CRISPLD2: variants seen among roughly 807,000 people sequenced by gnomAD.
The protein encoded by CRISPLD2 is cysteine rich secretory protein LCCL domain containing 2.
In CRISPLD2, 47 loss-of-function variants were observed where a neutral mutation model predicts 71.1. The observed-to-expected ratio is 0.66, with a 90% CI of 0.52 to 0.84. The LOEUF is 0.84. CRISPLD2 is among the 40% of genes least tolerant of loss of function. The pLI, the probability that CRISPLD2 is intolerant of heterozygous loss-of-function variation, is 0.00. For missense variants in CRISPLD2, 830 were observed against 651.1 expected (o/e 1.27, Z -2.99); for synonymous variants, 317 against 250.1 (o/e 1.27, Z -2.52).
chr16:84,886,829 C>T (rs145140573), intron 13 of CRISPLD2, among the ~76,000 whole-genome samples: 4 of 152,198 alleles, frequency 2.6e-5, no homozygotes, highest in Non-Finnish European at 4.4e-5. Context: ...CAAAAAAATA[C>T]ATAACATTAA....
At chr16:84,851,650 G>A (rs1390646149) in intron 5 of CRISPLD2, among the ~76,000 whole-genome samples, 2 of 152,206 alleles carry the variant, frequency 1.3e-5, no homozygotes, top group African/African-American at 2.4e-5. Flanking sequence ...ATGGATGAGC[G>A]CAGCGGGTGT....
intron 1 of CRISPLD2, among the ~76,000 whole-genome samples, chr16:84,830,298 G>C (rs1916456843): frequency 6.6e-6 from 1 of 152,106 alleles, no homozygotes; most frequent in Non-Finnish European, 1.5e-5. Context: ...CTCTAGCCTG[G>C]GTAATAGTGA....
chr16:84,867,893 G>C (rs1290720946), intron 7 of CRISPLD2, among the ~76,000 whole-genome samples: 1 of 152,196 alleles, frequency 6.6e-6, no homozygotes, highest in Non-Finnish European at 1.5e-5. Flanking sequence ...CCCCAGGGTG[G>C]AGTTCAGCTC....
chr16:84,889,122 C>G (rs2071638413), intron 13 of CRISPLD2, 108 bp from the exon 14 acceptor site: 2 of 1,407,840 alleles, frequency 1.4e-6, no homozygotes, highest in East Asian at 4.6e-5. Flanking sequence ...TTGATGGGGT[C>G]CACATCCCAC....
intron 14 of CRISPLD2, among the ~76,000 whole-genome samples, chr16:84,897,674 C>T (rs1022319891): frequency 6.6e-6 from 1 of 152,066 alleles, no homozygotes; most frequent in Admixed American, 6.6e-5. Context: ...TGGAGTGCAG[C>T]GGCTTGACCT....
chr16:84,869,585 C>T (rs903942389), intron 8 of CRISPLD2, among the ~76,000 whole-genome samples: 4 of 152,324 alleles, frequency 2.6e-5, no homozygotes, highest in East Asian at 1.9e-4. Flanking sequence ...GCTCAGTGGG[C>T]TCACATGTGG....
intron 1 of CRISPLD2, chr16:84,829,098 T>C (rs1472329672): frequency 1.3e-5 from 2 of 152,022 alleles, no homozygotes; most frequent in Non-Finnish European, 2.9e-5. Flanking sequence ...AAAAGAATAT[T>C]ATCTTTTGTT....
chr16:84,868,953 T>C (rs202056245), intron 8 of CRISPLD2, 42 bp downstream of exon 8: 5 of 1,485,990 alleles, frequency 3.4e-6, no homozygotes, highest in Non-Finnish European at 4.6e-6. Context: ...AGCCTCTGAG[T>C]CTGTGCTGGG....
rs897651645 is a variant in CRISPLD2 at position 84,873,854 on chromosome 16, A to C, written c.1113-66A>C. On this transcript the variant is annotated intron_variant, in intron 10 of 14. Coordinates refer to ENST00000262424, the MANE Select transcript of CRISPLD2 (RefSeq NM_031476.4). ...AAGATAAGTATAGGAGCAAGCGTTCACTTTTAGAAGCAATTCTATTTGCAT... is the reference window on the plus strand; with the variant it reads ...AAGATAAGTATAGGAGCAAGCGTTCCCTTTTAGAAGCAATTCTATTTGCAT... 63 of 1,436,010 alleles carry C rather than the reference A, an allele frequency of 4.4e-5. No homozygotes were observed. In the African/African-American group the frequency reaches 9.1e-4, roughly 21 times the overall value. 89.0% of individuals were successfully genotyped at this position (1,436,010 alleles called of 1,614,324 possible).
chr16:84,845,291 G>A (rs1174639649), intron 2 of CRISPLD2, among the ~76,000 whole-genome samples: 1 of 152,234 alleles, frequency 6.6e-6, no homozygotes, highest in Non-Finnish European at 1.5e-5. Context: ...CCGAGGCCTG[G>A]TGTGCCTGGA....
At position 84,826,586 on chromosome 16, in the gene CRISPLD2, G is replaced by A. The variant is rs532637749; in HGVS notation, c.-75+6453G>A. Among the ~76,000 whole-genome samples, 20 of 151,940 alleles carry A rather than the reference G, an allele frequency of 1.3e-4. No homozygotes were observed. The South Asian group carries it at 4.2e-3, about 32-fold the overall frequency. On this transcript the variant is annotated intron_variant, in intron 1 of 14. Coordinates refer to ENST00000262424, the MANE Select transcript of CRISPLD2 (RefSeq NM_031476.4). ...CTGCCCCAGGCCTGCTGCCCACACAGCCAGTCCGTTCGCCCCGGGAGGGAA... is the reference window on the plus strand; with the variant it reads ...CTGCCCCAGGCCTGCTGCCCACACAACCAGTCCGTTCGCCCCGGGAGGGAA...
chr16:84,875,790 T>C (rs1365921852), intron 11 of CRISPLD2, among the ~76,000 whole-genome samples: 1 of 150,382 alleles, frequency 6.6e-6, no homozygotes, highest in Non-Finnish European at 1.5e-5. Context: ...GGTCTTGAAC[T>C]CCTGACCTCA....
At chr16:84,885,106 C>T (rs746148466) in intron 13 of CRISPLD2, among the ~76,000 whole-genome samples, 1 of 152,214 alleles carries the variant, frequency 6.6e-6, no homozygotes, top group Non-Finnish European at 1.5e-5. Flanking sequence ...TGATCCTGAA[C>T]GCTGACAGTG....
At chr16:84,898,240 C>A (rs537713304) in intron 14 of CRISPLD2, among the ~76,000 whole-genome samples, 3 of 152,198 alleles carry the variant, frequency 2.0e-5, no homozygotes, top group African/African-American at 7.2e-5. Context: ...TGCACAGTGT[C>A]GCACCAAGGA....
chr16:84,905,591 A>G (rs948287594), intron 14 of CRISPLD2, among the ~76,000 whole-genome samples: 20 of 151,922 alleles, frequency 1.3e-4, no homozygotes, highest in African/African-American at 4.8e-4. Flanking sequence ...GGGTTTCACC[A>G]TGTTGGCCAG....
intron 1 of CRISPLD2, among the ~76,000 whole-genome samples, chr16:84,826,015 T>C (rs1373930557): frequency 6.7e-6 from 1 of 150,286 alleles, no homozygotes; most frequent in Non-Finnish European, 1.5e-5. Flanking sequence ...GAAATGCAGG[T>C]TTTCAGGCTT....
chr16:84,900,277 G>A (rs1237665818), intron 14 of CRISPLD2, among the ~76,000 whole-genome samples: 1 of 152,098 alleles, frequency 6.6e-6, no homozygotes, highest in East Asian at 1.9e-4. Context: ...GGAATTCCAA[G>A]CGGCCTGCTC....
chr16:84,848,406 C>T (rs988531250), intron 3 of CRISPLD2, among the ~76,000 whole-genome samples: 4 of 151,674 alleles, frequency 2.6e-5, no homozygotes, highest in African/African-American at 9.7e-5. Flanking sequence ...TTTATACTTG[C>T]TGGTGACAGT....
chr16:84,891,239 G>A (rs1391408174), intron 14 of CRISPLD2, among the ~76,000 whole-genome samples: 2 of 152,338 alleles, frequency 1.3e-5, no homozygotes, highest in East Asian at 1.9e-4. Context: ...AATCAAGGCT[G>A]TAACTTGCCC....
Sources: allele counts gnomAD v4.1 joint callset (sites outside exome capture counted in the v4.1 genomes callset), GRCh38; gene constraint gnomAD v4.1.1; transcripts MANE v1.5; gene names NCBI Gene and HGNC (gene_info 2026-07-23, HGNC 2026-07-21).